Variants in COL5A1 observed in about 807,000 individuals in gnomAD.
COL5A1 encodes collagen alpha-1(V) chain.
In COL5A1, 16 loss-of-function variants were observed where a neutral mutation model predicts 263.7. The ratio of observed to expected loss-of-function variants is 0.06; its 90% CI spans 0.04 to 0.09. The LOEUF (loss-of-function observed/expected upper bound fraction) is 0.09. COL5A1 is among the 10% of genes least tolerant of loss of function. COL5A1 has a pLI of 1.00. For missense variants in COL5A1, 2,036 were observed against 2,540.5 expected (o/e 0.80, Z 4.27); for synonymous variants, 1,012 against 1,004.5 (o/e 1.01, Z -0.14).
At chr9:134,738,126 G>C (rs969749671) in intron 9 of COL5A1, among the ~76,000 whole-genome samples, 11 of 152,160 alleles carry the variant, frequency 7.2e-5, no homozygotes, top group African/African-American at 2.7e-4. Flanking sequence ...TGGCCTGGCG[G>C]ACCTGCCTGG....
At position 134,762,103 on chromosome 9, in the gene COL5A1, G is replaced by A. The variant is rs993617684; in HGVS notation, c.1989+125G>A. 4.5e-5 allele frequency: 43 copies of A among 948,074 alleles called. 1 individual carries two copies. In the South Asian group the frequency reaches 4.6e-4, roughly 10 times the overall value. 58.7% of individuals were successfully genotyped at this position (948,074 alleles called of 1,614,324 possible). ...CTGCCGCATGTGGAGGGCCAGCTGG[G>A]AGAAGGCAGATGGGGATTCCAGTGG... On this transcript the variant is annotated intron_variant, in intron 19 of 65. Transcript: ENST00000371817.
At chr9:134,832,505 C>G (rs1366937311) in intron 64 of COL5A1, among the ~76,000 whole-genome samples, 1 of 152,248 alleles carries the variant, frequency 6.6e-6, no homozygotes, top group African/African-American at 2.4e-5. Flanking sequence ...ATCCCTCCCA[C>G]CAGGAGAGCA....
intron 63 of COL5A1, among the ~76,000 whole-genome samples, chr9:134,829,407 A>C (rs1457253450): frequency 6.4e-5 from 8 of 125,236 alleles, no homozygotes; most frequent in Non-Finnish European, 1.3e-4. Context: ...CAGGCTCCTC[A>C]CGCAGCCTCC....
Position 134,700,370 on chromosome 9 carries a change from T to C in COL5A1, c.491+248T>C, listed in dbSNP as rs1331936818. Among the ~76,000 whole-genome samples the C allele has an allele frequency of 6.6e-6, 1 of 152,150 alleles. No individual in the cohort carries two copies. Among genetic ancestry groups the C allele is most frequent in the Non-Finnish European group, 1.5e-5 (1 of 68,034 alleles). On this transcript the variant is annotated intron_variant, in intron 3 of 65. Transcript: ENST00000371817. The surrounding 1 kb of genome is among the most constrained non-coding windows in gnomAD (Gnocchi z 4.0). ...GGCCCTCCATTATCCCTTTGTAAAG[T>C]GCACTAAAGCACATCAAATTCCCGC...
At chr9:134,809,809 C>A (rs148441412) in intron 43 of COL5A1, among the ~76,000 whole-genome samples, 18 of 152,270 alleles carry the variant, frequency 1.2e-4, no homozygotes, top group Admixed American at 3.3e-4. Context: ...TATTGATGAC[C>A]CCTCTCTGGG....
rs539782766 is a variant in COL5A1 at position 134,815,406 on chromosome 9, C to T, written c.4015-170C>T. On this transcript the variant is annotated intron_variant, in intron 50 of 65. Transcript: ENST00000371817. The stretch of plus-strand genomic sequence containing the variant: ...CTTGCTGGCTCTGGGACATGCTGCA[C>T]GTGGAAGGGTCTCTGGGCCATAAAG... Among the ~76,000 whole-genome samples the T allele has an allele frequency of 5.9e-5, 9 of 152,346 alleles. No homozygotes were observed. In the South Asian group the frequency reaches 6.2e-4, roughly 11 times the overall value.
At position 134,834,966 on chromosome 9, in the gene COL5A1, C is replaced by T. The variant is rs748416238; in HGVS notation, c.5137-5C>T. 1.9e-6 allele frequency: 3 copies of T among 1,610,386 alleles called. No individual in the cohort carries two copies. Among genetic ancestry groups the T allele is most frequent in the Non-Finnish European group, 1.7e-6 (2 of 1,177,842 alleles). ...TGCTGAGCCCCAACACCCCTGTCCC[C>T]CCAGCTCTCCTATGTGGACGCCGAG... is the stretch of plus-strand genomic sequence containing the variant. On this transcript the variant is annotated splice_region_variant and splice_polypyrimidine_tract_variant and intron_variant, in intron 64 of 65. Coordinates refer to ENST00000371817, the MANE Select transcript of COL5A1 (RefSeq NM_000093.5).
intron 64 of COL5A1, among the ~76,000 whole-genome samples, chr9:134,831,982 C>T (rs1358222798): frequency 2.6e-5 from 4 of 152,178 alleles, no homozygotes; most frequent in Admixed American, 2.6e-4. Flanking sequence ...CCAGATTTTT[C>T]AGCCAGGTGC....
rs373432584 is a variant in COL5A1, at chr9:134,818,065, C to T, written c.4230+234C>T. Among the ~76,000 whole-genome samples, 90 of 152,292 alleles carry T rather than the reference C, an allele frequency of 5.9e-4. 1 individual carries two copies. The highest frequency in any genetic ancestry group is 3.4e-3 in the Middle Eastern group (1 of 294). ...TGCCTTGCCCACCTGAGGGAGGAGG[C>T]GGGTGGTGGGTGCGGGATTCAGGGA... On this transcript the variant is annotated intron_variant, in intron 54 of 65. Coordinates refer to ENST00000371817, the MANE Select transcript of COL5A1 (RefSeq NM_000093.5). The surrounding 1 kb of genome is among the most constrained non-coding windows in gnomAD (Gnocchi z 6.0).
chr9:134,719,334 G>A (rs10776899), intron 4 of COL5A1, among the ~76,000 whole-genome samples: 58,617 of 152,222 alleles, frequency 0.39, 12,746 homozygotes, highest in Admixed American at 0.57. Flanking sequence ...CACCGCACAT[G>A]TGAATGCAAA....
intron 4 of COL5A1, chr9:134,708,425 G>GGGT (rs1554782848): frequency 7.3e-6 from 3 of 408,836 alleles, no homozygotes. Flanking sequence ...CTCCCGGGGT[G>GGGT]GGGGCTCTGG....
At chr9:134,760,104 A>C (rs1383033017) in intron 18 of COL5A1, among the ~76,000 whole-genome samples, 1 of 105,910 alleles carries the variant, frequency 9.4e-6, no homozygotes, top group African/African-American at 3.5e-5. Context: ...ACACACCCCC[A>C]CACTCATACA....
rs552613349 is a variant in COL5A1, at chr9:134,716,988, C to T, written c.655-10278C>T. On this transcript the variant is annotated intron_variant, in intron 4 of 65. Coordinates refer to ENST00000371817, the MANE Select transcript of COL5A1 (RefSeq NM_000093.5). This position sits in a 1 kb window ranked among gnomAD's most constrained non-coding sequence, Gnocchi z 4.5. ...TCGTTAATAGTGTGAAACTCGTTCT[C>T]ACAGGTGCTGTGAAAACCATGGAAA... 2.0e-5 allele frequency among the ~76,000 whole-genome samples: 3 copies of T among 151,228 alleles called. No homozygotes were observed. The highest frequency in any genetic ancestry group is 7.3e-5 in the African/African-American group (3 of 41,176).
intron 2 of COL5A1, among the ~76,000 whole-genome samples, chr9:134,695,334 AG>A (rs1441405823): frequency 6.6e-6 from 1 of 152,072 alleles, no homozygotes. Flanking sequence ...AGCCTCCCTT[AG>A]GCAGAATGTC....
intron 4 of COL5A1, among the ~76,000 whole-genome samples, chr9:134,702,028 G>C (rs1007334878): frequency 5.9e-5 from 9 of 152,180 alleles, no homozygotes; most frequent in African/African-American, 1.7e-4. Context: ...TGCCCCGGGT[G>C]GGGGCGTTGG....
At chr9:134,697,968 C>A (rs1833539719) in intron 2 of COL5A1, among the ~76,000 whole-genome samples, 1 of 152,168 alleles carries the variant, frequency 6.6e-6, no homozygotes, top group Non-Finnish European at 1.5e-5. Context: ...CCTGTAGTCC[C>A]AGCTACTTGG....
At chr9:134,737,249 G>A (rs1835135023) in intron 9 of COL5A1, among the ~76,000 whole-genome samples, 1 of 152,208 alleles carries the variant, frequency 6.6e-6, no homozygotes, top group African/African-American at 2.4e-5. Context: ...CTTCCCTGCA[G>A]CTGCAGGATA....
At chr9:134,692,175 G>A (rs1165939492) in intron 2 of COL5A1, among the ~76,000 whole-genome samples, 1 of 152,182 alleles carries the variant, frequency 6.6e-6, no homozygotes, top group Admixed American at 6.5e-5. Flanking sequence ...TCGAGGCACC[G>A]AGTCTCTGCC....
chr9:134,723,632 A>G (rs1834544059), intron 4 of COL5A1, among the ~76,000 whole-genome samples: 3 of 152,154 alleles, frequency 2.0e-5, no homozygotes, highest in Admixed American at 6.5e-5. Flanking sequence ...CCTGCAAGGG[A>G]ACGGGTGCTG....
Sources: allele counts gnomAD v4.1 joint callset (sites outside exome capture counted in the v4.1 genomes callset), GRCh38; gene constraint gnomAD v4.1.1; non-coding constraint Gnocchi (gnomAD v3.1); transcripts MANE v1.5; gene names NCBI Gene and HGNC (gene_info 2026-07-23, HGNC 2026-07-21).